PCDHGB2: variants seen among roughly 807,000 people sequenced by gnomAD.
The protein encoded by PCDHGB2 is protocadherin gamma-B2.
PCDHGB2 carries 55 observed loss-of-function variants against 59.3 expected under a neutral mutation model. The ratio of observed to expected loss-of-function variants is 0.93; its 90% CI spans 0.75 to 1.16. The LOEUF (loss-of-function observed/expected upper bound fraction) is 1.16, where lower values mean the gene tolerates loss of function less well. PCDHGB2 is among the 50% of genes most tolerant of loss of function. The probability of loss-of-function intolerance (pLI) is 0.00; values close to 1 mark genes in which losing one functional copy is unlikely to be tolerated. For missense variants in PCDHGB2, 1,228 were observed against 1,198.5 expected (o/e 1.02, Z -0.36); for synonymous variants, 516 against 512.0 (o/e 1.01, Z -0.11).
chr5:141,433,056 G>C, intron 1 of PCDHGB2: 10 of 1,614,204 alleles, frequency 6.2e-6, no homozygotes, highest in Non-Finnish European at 8.5e-6. Context: ...TCGCGGAAGA[G>C]TCACCTGATC....
intron 1 of PCDHGB2, chr5:141,390,523 G>C: frequency 1.8e-6 from 1 of 556,304 alleles, no homozygotes; most frequent in Non-Finnish European, 3.1e-6. Context: ...AGCAATGAGG[G>C]TGTGGTTTTA....
At position 141,477,107 on chromosome 5, in the gene PCDHGB2, C is replaced by A. The variant is rs1431445150; in HGVS notation, c.2422-17700C>A. ...CCAGGCCAAAGACAAGGGCGCCAAT[C>A]CCGAAGGAGCACATTGCAAAGTGTT... On this transcript the variant is annotated intron_variant, in intron 1 of 3. Coordinates refer to ENST00000522605, the MANE Select transcript of PCDHGB2 (RefSeq NM_018923.3). This position sits in a 1 kb window ranked among gnomAD's most constrained non-coding sequence, Gnocchi z 4.9. 1 of 1,614,252 alleles carries A rather than the reference C, an allele frequency of 6.2e-7. No homozygotes were observed. The highest frequency in any genetic ancestry group is 8.5e-7 in the Non-Finnish European group (1 of 1,180,048).
Position 141,374,612 on chromosome 5 carries a change from C to T in PCDHGB2, c.2421+12056C>T. The T allele has an allele frequency of 1.9e-6, 3 of 1,613,552 alleles. 1 individual carries two copies. The highest frequency in any genetic ancestry group is 1.1e-5 in the South Asian group (1 of 91,056). On this transcript the variant is annotated intron_variant, in intron 1 of 3. Transcript: ENST00000522605. ...GGGATTTAAGCTCAGTGGTAATAGT[C>T]ACTTCTCAGTGGACGTGCAAAGCGA...
At position 141,432,993 on chromosome 5, in the gene PCDHGB2, G is replaced by C. The variant is rs749499789; in HGVS notation, c.2422-61814G>C. 7 of 1,614,208 alleles carry C rather than the reference G, an allele frequency of 4.3e-6. No homozygotes were observed. In the South Asian group the frequency reaches 7.7e-5, roughly 18 times the overall value. On this transcript the variant is annotated intron_variant, in intron 1 of 3. Transcript: ENST00000522605. This position sits in a 1 kb window ranked among gnomAD's most constrained non-coding sequence, Gnocchi z 6.0. ...GCGTCGCACTTTGTGGGCGTGGACG[G>C]GGTGCAGGCTTTCCTGCAGACCTAT...
chr5:141,409,416 T>G (rs770750853), intron 1 of PCDHGB2: 1 of 1,613,964 alleles, frequency 6.2e-7, no homozygotes, highest in South Asian at 1.1e-5. Flanking sequence ...TACAAACTGG[T>G]GACAGATGGA....
chr5:141,431,774 G>T lies in PCDHGB2; in HGVS notation c.2422-63033G>T. Reference sequence around the variant, plus strand: ...AGCCAAAGTCCTGATCACTGTTCTGGACGTGAACGACAATGCCCCAGAAGT... The same window carrying T: ...AGCCAAAGTCCTGATCACTGTTCTGTACGTGAACGACAATGCCCCAGAAGT... On this transcript the variant is annotated intron_variant, in intron 1 of 3. Transcript: ENST00000522605. This position sits in a 1 kb window ranked among gnomAD's most constrained non-coding sequence, Gnocchi z 4.8. 5 of 1,614,204 alleles carry T rather than the reference G, an allele frequency of 3.1e-6. No individual in the cohort carries two copies. The highest frequency in any genetic ancestry group is 4.2e-6 in the Non-Finnish European group (5 of 1,180,038).
Position 141,432,909 on chromosome 5 carries a change from G to A in PCDHGB2, c.2422-61898G>A, listed in dbSNP as rs773372764. On this transcript the variant is annotated intron_variant, in intron 1 of 3. Coordinates refer to ENST00000522605, the MANE Select transcript of PCDHGB2 (RefSeq NM_018923.3). The surrounding 1 kb of genome is among the most constrained non-coding windows in gnomAD (Gnocchi z 6.0). ...ATCTTGCTGCTGGCGCTCAGGCTGCGGCGCTGGCACAAGTCACGCCTGCTG... is the reference window on the plus strand; with the variant it reads ...ATCTTGCTGCTGGCGCTCAGGCTGCAGCGCTGGCACAAGTCACGCCTGCTG... 9 of 1,614,038 alleles carry A rather than the reference G, an allele frequency of 5.6e-6. No homozygotes were observed. The highest frequency in any genetic ancestry group is 4.5e-5 in the East Asian group (2 of 44,880).
intron 1 of PCDHGB2, 139 bp downstream of exon 1, chr5:141,362,695 T>A: frequency 1.8e-6 from 2 of 1,090,718 alleles, no homozygotes; most frequent in Non-Finnish European, 2.6e-6. Flanking sequence ...CTTATCTAAC[T>A]GAATTTTAAG....
At chr5:141,394,833 G>A (rs867584109) in intron 1 of PCDHGB2, 1 of 1,613,848 alleles carries the variant, frequency 6.2e-7, no homozygotes, top group South Asian at 1.1e-5. Flanking sequence ...AGTCCTGACC[G>A]AGTTGGGCAG....
chr5:141,495,529 C>T (rs1466269939), intron 2 of PCDHGB2, among the ~76,000 whole-genome samples: 1 of 152,210 alleles, frequency 6.6e-6, no homozygotes, highest in African/African-American at 2.4e-5. Flanking sequence ...ACCTCTCAGT[C>T]CTTCCCTCAG....
In PCDHGB2 at chr5:141,432,512, G is replaced by A. The variant is rs751785850; in HGVS notation, c.2422-62295G>A. ...GCTGGCTCCCCGCTCCGCAGAGCCC[G>A]GCTACCTGGTGACCAAGGTGGTGGC... On this transcript the variant is annotated intron_variant, in intron 1 of 3. Transcript: ENST00000522605. The surrounding 1 kb of genome is among the most constrained non-coding windows in gnomAD (Gnocchi z 6.0). 3 of 1,614,108 alleles carry A rather than the reference G, an allele frequency of 1.9e-6. No homozygotes were observed. Among genetic ancestry groups the A allele is most frequent in the Non-Finnish European group, 2.5e-6 (3 of 1,180,030 alleles).
chr5:141,401,017 T>C (rs2094103677), intron 1 of PCDHGB2, among the ~76,000 whole-genome samples: 3 of 152,226 alleles, frequency 2.0e-5, no homozygotes, highest in Admixed American at 2.0e-4. Context: ...AATGGATTTA[T>C]GATTTTTTGA....
intron 1 of PCDHGB2, chr5:141,417,834 G>A (rs1382990900): frequency 2.0e-6 from 3 of 1,530,144 alleles, no homozygotes; most frequent in Middle Eastern, 3.5e-4. Context: ...GGAAAAGCGG[G>A]GACCCAGCGA....
chr5:141,496,103 C>G (rs779317844), intron 2 of PCDHGB2, among the ~76,000 whole-genome samples: 1 of 152,100 alleles, frequency 6.6e-6, no homozygotes, highest in Non-Finnish European at 1.5e-5. Flanking sequence ...ACCAACACCC[C>G]GCTCTCTTCC....
rs781500930 is a variant in PCDHGB2, at chr5:141,376,588, TC to T, written c.2421+14033del. 8 of 1,575,434 alleles carry T rather than the reference TC, an allele frequency of 5.1e-6. No homozygotes were observed. The South Asian group carries it at 8.1e-5, about 16-fold the overall frequency. ...TAATCAGACAGGCTCATCAGCTAGA[TC>T]GGCTGTTATAGAAGCGAACCTCTTT... On this transcript the variant is annotated intron_variant, in intron 1 of 3. Transcript: ENST00000522605.
intron 3 of PCDHGB2, 120 bp downstream of exon 3, chr5:141,505,601 C>T (rs1171679451): frequency 6.4e-7 from 1 of 1,550,630 alleles, no homozygotes; most frequent in Non-Finnish European, 8.7e-7. Flanking sequence ...GATCTTTCGG[C>T]AGGTCTGAAA....
At chr5:141,413,785 C>G (rs771027783) in intron 1 of PCDHGB2, 17 of 1,613,070 alleles carry the variant, frequency 1.1e-5, no homozygotes, top group Non-Finnish European at 1.4e-5. Flanking sequence ...GGAGCACTCC[C>G]TAGATCGCGA....
chr5:141,510,978 G>A lies in PCDHGB2; in HGVS notation c.2601G>A (p.Gly867=), dbSNP rs2099883535. 1.2e-6 allele frequency: 2 copies of A among 1,614,160 alleles called. No homozygotes were observed. The change falls in exon 4 of 4, where the codon GGG becomes GGA. Residue 867 remains glycine, a synonymous_variant. Transcript: ENST00000522605. The part of the protein sequence containing the change: ...EAADGSSTLG[G]GAGTMGLSAR... Reference sequence around the variant, plus strand: ...CTGATGGGAGCTCCACCCTGGGAGGGGGTGCCGGCACCATGGGATTGAGCG... The same window carrying A: ...CTGATGGGAGCTCCACCCTGGGAGGAGGTGCCGGCACCATGGGATTGAGCG...
intron 1 of PCDHGB2, chr5:141,422,371 C>A: frequency 6.4e-7 from 1 of 1,567,208 alleles, no homozygotes; most frequent in South Asian, 1.2e-5. Context: ...AGAAAATGGT[C>A]AAGTCTCCTG....
Sources: gnomAD v4.1 joint callset for allele counts (sites outside exome capture counted in the v4.1 genomes callset) on GRCh38, gnomAD v4.1.1 for gene constraint, Gnocchi (gnomAD v3.1) non-coding constraint, MANE v1.5 for transcripts, NCBI Gene and HGNC (gene_info 2026-07-23, HGNC 2026-07-21) for gene names.